Variants in DAB1 observed in about 807,000 individuals in gnomAD.
DAB1 encodes the protein disabled homolog 1.
DAB1 carries 15 observed loss-of-function variants against 64.6 expected under a neutral mutation model. The observed-to-expected ratio is 0.23, with a 90% CI of 0.16 to 0.36. DAB1 has a LOEUF of 0.36. DAB1 is among the 10% of genes least tolerant of loss of function. The probability of loss-of-function intolerance (pLI) is 1.00; values close to 1 mark genes in which losing one functional copy is unlikely to be tolerated. For synonymous variants in DAB1, 235 were observed against 251.9 expected (o/e 0.93, Z 0.64); for missense variants, 596 against 706.7 (o/e 0.84, Z 1.78).
intron 5 of DAB1, among the ~76,000 whole-genome samples, chr1:57,996,442 G>A (rs1257178813): frequency 6.6e-6 from 1 of 152,102 alleles, no homozygotes; most frequent in East Asian, 1.9e-4. Context: ...CATAAATCCT[G>A]TTTTCTGAGG....
intron 5 of DAB1, among the ~76,000 whole-genome samples, chr1:58,029,713 C>T (rs1290587296): frequency 2.0e-5 from 3 of 152,098 alleles, no homozygotes; most frequent in Non-Finnish European, 4.4e-5. Context: ...AATATTGATG[C>T]ATAAAGTTGT....
chr1:57,139,384 C>T (rs1464790761), intron 3 of DAB1, among the ~76,000 whole-genome samples: 3 of 152,148 alleles, frequency 2.0e-5, no homozygotes, highest in South Asian at 4.1e-4. Flanking sequence ...GGACACCAAA[C>T]CTGCTGGCCC....
At chr1:57,364,838 T>C (rs2100910430) in intron 1 of DAB1, among the ~76,000 whole-genome samples, 1 of 149,190 alleles carries the variant, frequency 6.7e-6, no homozygotes, top group East Asian at 2.0e-4. Context: ...ATAAATTGTT[T>C]AGGGATATAT....
chr1:57,922,272 G>C (rs1485699048), intron 5 of DAB1, among the ~76,000 whole-genome samples: 2 of 151,688 alleles, frequency 1.3e-5, no homozygotes, highest in Non-Finnish European at 2.9e-5. Context: ...CCATTAAGTA[G>C]GTAGAAAAGG....
chr1:57,591,364 C>T (rs1335832288), intron 7 of DAB1, among the ~76,000 whole-genome samples: 1 of 152,162 alleles, frequency 6.6e-6, no homozygotes, highest in African/African-American at 2.4e-5. Flanking sequence ...GTGAAATGTT[C>T]AGAAAATCAA....
chr1:58,487,601 C>T (rs541860588), intron 3 of DAB1, among the ~76,000 whole-genome samples: 2 of 152,044 alleles, frequency 1.3e-5, no homozygotes, highest in Non-Finnish European at 2.9e-5. Flanking sequence ...CAGGGCTAGG[C>T]GTCCTTTTCT....
At chr1:57,024,744 G>T (rs1259008860) in intron 10 of DAB1, among the ~76,000 whole-genome samples, 1 of 152,166 alleles carries the variant, frequency 6.6e-6, no homozygotes, top group African/African-American at 2.4e-5. Context: ...AAAATGAAGG[G>T]GATAAGGTTA....
chr1:58,182,312 G>T (rs1057051354), intron 4 of DAB1, among the ~76,000 whole-genome samples: 2 of 151,780 alleles, frequency 1.3e-5, no homozygotes, highest in Admixed American at 1.3e-4. Flanking sequence ...GAGGTTCTTG[G>T]ATGTGAGGAT....
intron 2 of DAB1, among the ~76,000 whole-genome samples, chr1:57,168,969 T>C (rs1661468537): frequency 6.6e-6 from 1 of 152,088 alleles, no homozygotes; most frequent in Admixed American, 6.6e-5. Flanking sequence ...GGCAGGAGGA[T>C]CACTTAGGTA....
intron 7 of DAB1, among the ~76,000 whole-genome samples, chr1:57,445,455 A>G (rs1182771288): frequency 1.3e-5 from 2 of 152,200 alleles, no homozygotes; most frequent in Admixed American, 1.3e-4. Context: ...CCTAAGTACA[A>G]TCCCATCATT....
At chr1:57,907,867 A>T (rs1299658374) in intron 5 of DAB1, among the ~76,000 whole-genome samples, 3 of 150,664 alleles carry the variant, frequency 2.0e-5, no homozygotes, top group Non-Finnish European at 2.9e-5. Flanking sequence ...GTATGTGTAT[A>T]TATATATATA....
chr1:57,799,214 G>A (rs920278109), intron 6 of DAB1, among the ~76,000 whole-genome samples: 6 of 152,162 alleles, frequency 3.9e-5, no homozygotes, highest in African/African-American at 1.4e-4. Context: ...AGCAAGTTAG[G>A]GAGAGTAGTT....
chr1:58,386,912 T>G (rs1644437166), intron 3 of DAB1, among the ~76,000 whole-genome samples: 1 of 152,068 alleles, frequency 6.6e-6, no homozygotes, highest in South Asian at 2.1e-4. Context: ...AATACAAAAT[T>G]AGCTGGGCAT....
chr1:58,478,464 A>G (rs537295637), intron 3 of DAB1, among the ~76,000 whole-genome samples: 33 of 152,262 alleles, frequency 2.2e-4, no homozygotes, highest in African/African-American at 7.5e-4. Flanking sequence ...TGCTTTAAGT[A>G]TATCATTTCA....
intron 3 of DAB1, among the ~76,000 whole-genome samples, chr1:58,423,422 G>A (rs1644791731): frequency 1.3e-5 from 2 of 152,214 alleles, no homozygotes; most frequent in East Asian, 3.8e-4. Flanking sequence ...GAGAGGGGAA[G>A]AGGTGGAGGG....
chr1:58,114,374 A>G (rs1652189283), intron 5 of DAB1, among the ~76,000 whole-genome samples: 1 of 152,252 alleles, frequency 6.6e-6, no homozygotes, highest in African/African-American at 2.4e-5. Flanking sequence ...ATATGCAGGA[A>G]GGAGGATTAT....
At chr1:58,468,959 A>C (rs191963287) in intron 3 of DAB1, 1 of 244,284 alleles carries the variant, frequency 4.1e-6, no homozygotes, top group East Asian at 1.8e-4. Flanking sequence ...GAGATGAAGC[A>C]GAAACATTCC....
intron 6 of DAB1, among the ~76,000 whole-genome samples, chr1:57,802,364 G>A (rs1378383924): frequency 1.3e-5 from 2 of 152,152 alleles, no homozygotes; most frequent in East Asian, 3.8e-4. Flanking sequence ...GAGTTCTCTG[G>A]AGGAAGATGC....
chr1:58,194,232 C>T (rs943712770), intron 4 of DAB1, among the ~76,000 whole-genome samples: 3 of 152,190 alleles, frequency 2.0e-5, no homozygotes, highest in South Asian at 2.1e-4. Context: ...TCAGCTAGGA[C>T]CTGAGTTCAA....
Sources: allele counts gnomAD v4.1 joint callset (sites outside exome capture counted in the v4.1 genomes callset), GRCh38; gene constraint gnomAD v4.1.1; transcripts MANE v1.5; gene names NCBI Gene and HGNC (gene_info 2026-07-23, HGNC 2026-07-21).